The following PTPRQ variants were observed in gnomAD, a reference collection of about 807,000 sequenced individuals.
PTPRQ encodes protein tyrosine phosphatase receptor type Q.
Under a neutral mutation model 246.0 loss-of-function variants are expected in PTPRQ, and 199 were observed. The observed-to-expected ratio is 0.81, with a 90% CI of 0.72 to 0.91. PTPRQ has a LOEUF of 0.91. Ranked by LOEUF, PTPRQ falls within the 40% of genes least tolerant of loss-of-function variation. The pLI is 0.00. For missense variants in PTPRQ, 2,624 were observed against 2,528.4 expected (o/e 1.04, Z -0.81); for synonymous variants, 869 against 853.2 (o/e 1.02, Z -0.32).
chr12:80,463,147 A>C (rs927203869), intron 6 of PTPRQ, among the ~76,000 whole-genome samples: 1 of 152,234 alleles, frequency 6.6e-6, no homozygotes, highest in Non-Finnish European at 1.5e-5. Flanking sequence ...TATAACTAGA[A>C]TAACCAATAC....
chr12:80,652,952 T>C (rs1385850522), intron 38 of PTPRQ, 118 bp downstream of exon 38: 181 of 1,151,166 alleles, frequency 1.6e-4, no homozygotes, highest in Non-Finnish European at 2.0e-4. Flanking sequence ...AATAATGTAT[T>C]TTATTGGCAG....
intron 3 of PTPRQ, among the ~76,000 whole-genome samples, chr12:80,446,398 G>C (rs1029824774): frequency 6.6e-6 from 1 of 151,672 alleles, no homozygotes; most frequent in African/African-American, 2.4e-5. Context: ...ACATGGCCTT[G>C]TTCTGTATAT....
At chr12:80,585,307 A>T (rs752883476) in intron 25 of PTPRQ, among the ~76,000 whole-genome samples, 1 of 152,054 alleles carries the variant, frequency 6.6e-6, no homozygotes, top group Non-Finnish European at 1.5e-5. Context: ...CTGATATTTC[A>T]CATACCACAC....
At position 80,621,915 on chromosome 12, in the gene PTPRQ, TG is replaced by T. The variant is rs373343755; in HGVS notation, c.5613-145del. The T allele has an allele frequency of 1.1e-4, 60 of 534,072 alleles. No individual in the cohort carries two copies. The East Asian group carries it at 2.5e-3, about 22-fold the overall frequency. The allele number at this position is 534,072 out of a possible 1,614,324, so 33.1% of individuals were successfully genotyped here. A position where few individuals can be genotyped will look rare whatever the true frequency, so the allele number is the denominator to read the frequency against. ...ATATAAATATAGCATATATTTCTCC[TG>T]ATGATGATTCCATTCCAAATTTTCA... On this transcript the variant is annotated intron_variant, in intron 32 of 44. Coordinates refer to ENST00000644991, the MANE Select transcript of PTPRQ (RefSeq NM_001145026.2).
intron 26 of PTPRQ, among the ~76,000 whole-genome samples, chr12:80,593,166 T>C (rs2121038635): frequency 6.6e-6 from 1 of 152,318 alleles, no homozygotes; most frequent in East Asian, 1.9e-4. Context: ...AAAGTTGTAC[T>C]CAAGCACTTA....
At chr12:80,666,931 T>A (rs1214628393) in intron 39 of PTPRQ, among the ~76,000 whole-genome samples, 1 of 151,976 alleles carries the variant, frequency 6.6e-6, no homozygotes, top group Non-Finnish European at 1.5e-5. Context: ...CCTCTAACTA[T>A]TCTCCCTCCT....
chr12:80,545,023 A>C (rs1277434658), intron 23 of PTPRQ, among the ~76,000 whole-genome samples: 1 of 152,174 alleles, frequency 6.6e-6, no homozygotes, highest in Non-Finnish European at 1.5e-5. Flanking sequence ...TTTTGACAAC[A>C]TATTCTTGTG....
At chr12:80,640,024 ACG>A (rs1491227682) in intron 35 of PTPRQ, among the ~76,000 whole-genome samples, 6 of 134,180 alleles carry the variant, frequency 4.5e-5, no homozygotes, top group African/African-American at 1.8e-4. Flanking sequence ...ATGAAGATAC[ACG>A]TGTGTGTGTG....
chr12:80,560,131 TGGCCTG>T (rs1896782019), intron 25 of PTPRQ, among the ~76,000 whole-genome samples: 1 of 152,188 alleles, frequency 6.6e-6, no homozygotes, highest in Non-Finnish European at 1.5e-5. Context: ...CACTGGGATG[TGGCCTG>T]GCCACATGCT....
In PTPRQ at chr12:80,535,502, G is replaced by C. The variant is rs373458376; in HGVS notation, c.2985+465G>C. On this transcript the variant is annotated intron_variant, in intron 19 of 44. Transcript: ENST00000644991. ...AAAAAAGTTTTTGATAGCAGGAAGG[G>C]TTATTATAATAATAGTATATTAGTA... Among the ~76,000 whole-genome samples, 11 of 152,096 alleles carry C rather than the reference G, an allele frequency of 7.2e-5. No individual in the cohort carries two copies. In the East Asian group the frequency reaches 1.9e-3, roughly 27 times the overall value.
At chr12:80,634,885 A>G (rs1899582557) in intron 34 of PTPRQ, 60 bp from the exon 35 acceptor site, 1 of 1,524,100 alleles carries the variant, frequency 6.6e-7, no homozygotes, top group Non-Finnish European at 8.8e-7. Flanking sequence ...AGAAAACTAA[A>G]CCTAATTTTA....
In PTPRQ at chr12:80,483,758, C is replaced by T. The variant is rs189427339; in HGVS notation, c.1187-675C>T. Among the ~76,000 whole-genome samples the T allele has an allele frequency of 8.8e-4, 133 of 151,834 alleles. 3 individuals are homozygous for T. The highest frequency in any genetic ancestry group is 3.0e-3 in the African/African-American group (124 of 41,426). On this transcript the variant is annotated intron_variant, in intron 8 of 44. Transcript: ENST00000644991. ...TAGCCCCCCACCCACCGACAGGCCC[C>T]GGTGTATGATGTTCCTCTCCCTGTG... is the stretch of plus-strand genomic sequence containing the variant.
At chr12:80,565,928 T>C (rs1198179225) in intron 25 of PTPRQ, among the ~76,000 whole-genome samples, 5 of 152,202 alleles carry the variant, frequency 3.3e-5, no homozygotes, top group Non-Finnish European at 5.9e-5. Context: ...TTGCAGCCAC[T>C]ATGAGATTAA....
intron 3 of PTPRQ, among the ~76,000 whole-genome samples, chr12:80,455,133 A>G (rs10862126): frequency 0.46 from 69,636 of 152,024 alleles, 18,936 homozygotes; most frequent in South Asian, 0.63. Context: ...AGATCATGCC[A>G]TTGCACTCCA....
intron 8 of PTPRQ, among the ~76,000 whole-genome samples, chr12:80,472,898 G>C (rs1470591369): frequency 6.6e-5 from 10 of 152,064 alleles, no homozygotes; most frequent in Non-Finnish European, 1.2e-4. Flanking sequence ...TCTATTTAGG[G>C]ATTGTAATTA....
intron 8 of PTPRQ, among the ~76,000 whole-genome samples, chr12:80,479,283 A>G (rs1406676314): frequency 6.7e-6 from 1 of 148,848 alleles, no homozygotes. Context: ...ACTAAGCTTC[A>G]TAAGTGAAGG....
At chr12:80,595,729 C>T (rs1439330593) in intron 26 of PTPRQ, among the ~76,000 whole-genome samples, 1 of 143,772 alleles carries the variant, frequency 7.0e-6, no homozygotes, top group Non-Finnish European at 1.5e-5. Context: ...CCCCATCCCA[C>T]AACAGTCCCC....
chr12:80,657,945 A>G (rs1038544648), intron 38 of PTPRQ, 40 bp from the exon 39 acceptor site: 2 of 1,325,948 alleles, frequency 1.5e-6, no homozygotes, highest in African/African-American at 1.6e-5. Flanking sequence ...GTAACAATTT[A>G]AAAAGCCAAT....
chr12:80,655,444 G>A (rs144715584), intron 38 of PTPRQ, among the ~76,000 whole-genome samples: 6 of 152,174 alleles, frequency 3.9e-5, no homozygotes, highest in African/African-American at 1.4e-4. Flanking sequence ...GGTGAATAAG[G>A]TTAATTCATA....
Sources: allele counts gnomAD v4.1 joint callset (sites outside exome capture counted in the v4.1 genomes callset), GRCh38; gene constraint gnomAD v4.1.1; transcripts MANE v1.5; gene names NCBI Gene and HGNC (gene_info 2026-07-23, HGNC 2026-07-21).